The following SF3B1 variants were observed in gnomAD, a reference collection of about 807,000 sequenced individuals.
SF3B1 encodes the protein pre-mRNA processing 10.
In SF3B1, 12 loss-of-function variants were observed where a neutral mutation model predicts 153.8. The observed-to-expected ratio is 0.08, with a 90% confidence interval of 0.05 to 0.13. The LOEUF is 0.13. Among genes scored for constraint, SF3B1 ranks in the 10% least tolerant of loss-of-function variants. SF3B1 has a pLI of 1.00. For missense variants in SF3B1, 513 were observed against 1,606.1 expected (o/e 0.32, Z 11.63); for synonymous variants, 498 against 525.2 (o/e 0.95, Z 0.71).
chr2:197,429,862 T>G lies in SF3B1; in HGVS notation c.28+5110A>C, dbSNP rs141880567. Among the ~76,000 whole-genome samples, 848 of 152,272 alleles carry G rather than the reference T, an allele frequency of 5.6e-3. 8 individuals carry two copies. Among genetic ancestry groups the G allele is most frequent in the African/African-American group, 0.02 (812 of 41,528 alleles). The stretch of plus-strand genomic sequence containing the variant: ...TATGATTTCAGAACTATGCTCATAC[T>G]TAGAGCCAATAATTTTCTGGGTGCT... On this transcript the variant is annotated intron_variant, in intron 1 of 24. Transcript: ENST00000335508.
chr2:197,418,416 A>C, intron 5 of SF3B1, 93 bp downstream of exon 5: 3 of 880,646 alleles, frequency 3.4e-6, no homozygotes, highest in Non-Finnish European at 5.3e-6. Context: ...TTATTTGTGC[A>C]GCAAATAGCA....
chr2:197,400,013 T>C lies in SF3B1; in HGVS notation c.3013+42A>G, dbSNP rs2084922180. Reference sequence around the variant, plus strand: ...TACGAAAAAAAAAAGAAAAAGAAAGTTAAAACAAGAAAAAGTCTTATGTAA... The same window carrying C: ...TACGAAAAAAAAAAGAAAAAGAAAGCTAAAACAAGAAAAAGTCTTATGTAA... On this transcript the variant is annotated intron_variant, in intron 20 of 24. Transcript: ENST00000335508. The surrounding 1 kb of genome is among the most constrained non-coding windows in gnomAD (Gnocchi z 5.0). The C allele has an allele frequency of 1.5e-6, 2 of 1,327,478 alleles. No individual in the cohort carries two copies. Among genetic ancestry groups the C allele is most frequent in the Admixed American group, 4.3e-5 (2 of 46,396 alleles). 82.2% of individuals were successfully genotyped at this position (1,327,478 alleles called of 1,614,324 possible). A position where few individuals can be genotyped will look rare whatever the true frequency, so the allele number is the denominator to read the frequency against.
At chr2:197,432,934 T>C (rs2085464377) in intron 1 of SF3B1, among the ~76,000 whole-genome samples, 1 of 152,194 alleles carries the variant, frequency 6.6e-6, no homozygotes, top group Non-Finnish European at 1.5e-5. Context: ...TAAATAGTTA[T>C]CAGTTTATCT....
chr2:197,405,701 G>A (rs1408844887), intron 9 of SF3B1, among the ~76,000 whole-genome samples: 1 of 151,876 alleles, frequency 6.6e-6, no homozygotes, highest in Non-Finnish European at 1.5e-5. Flanking sequence ...CAAGAGAAGA[G>A]CTTAGAAAAT....
chr2:197,418,854 C>A, intron 4 of SF3B1: 1 of 1,555,484 alleles, frequency 6.4e-7, no homozygotes, highest in East Asian at 2.3e-5. Flanking sequence ...TTAGAGTCTT[C>A]AGAAGTGATG....
chr2:197,390,531 T>C lies in SF3B1; in HGVS notation c.*1772A>G, dbSNP rs1294391514. 3 of 152,196 alleles carry C rather than the reference T, an allele frequency of 2.0e-5. No individual in the cohort carries two copies. Among genetic ancestry groups the C allele is most frequent in the Non-Finnish European group, 2.9e-5 (2 of 68,042 alleles). The allele number at this position is 152,196 out of a possible 1,614,324, so 9.4% of individuals were successfully genotyped here. A position where few individuals can be genotyped will look rare whatever the true frequency, so the allele number is the denominator to read the frequency against. On this transcript the variant is annotated 3_prime_UTR_variant, in exon 25 of 25. Transcript: ENST00000335508. The stretch of plus-strand genomic sequence containing the variant: ...TACATAGTGACATATATTCAGAAAG[T>C]TGTCATACAAGGAATGATGAGGAGT...
rs2084943715 is a variant in SF3B1, at chr2:197,402,303, C to G, written c.2078-173G>C. The G allele has an allele frequency of 2.6e-6, 2 of 758,398 alleles. No individual in the cohort carries two copies. The highest frequency in any genetic ancestry group is 5.4e-5 in the East Asian group (2 of 37,080). The allele number at this position is 758,398 out of a possible 1,614,324, so 47.0% of individuals were successfully genotyped here. A position where few individuals can be genotyped will look rare whatever the true frequency, so the allele number is the denominator to read the frequency against. On this transcript the variant is annotated intron_variant, in intron 14 of 24. Coordinates refer to ENST00000335508, the MANE Select transcript of SF3B1 (RefSeq NM_012433.4). This position sits in a 1 kb window ranked among gnomAD's most constrained non-coding sequence, Gnocchi z 4.6. ...CATAGCCTGTCAGCAGATAATATAA[C>G]AAACCCATCATAAAATCTATAGTTT... is the stretch of plus-strand genomic sequence containing the variant.
Position 197,409,829 on chromosome 2 carries a change from CCATGGCCTGGTGTCG to C in SF3B1, c.830_844del (p.Ala277_His281del), listed in dbSNP as rs1216741846. ...TTTACGAGCACTGGAAGTTGCGCCT[CCATGGCCTGGTGTCG>C]CATGGCCTGGTGTATCACCTCGTCC... is the stretch of plus-strand genomic sequence containing the variant. On this transcript the variant is annotated inframe_deletion, in exon 7 of 25. Transcript: ENST00000335508. The C allele has an allele frequency of 3.7e-6, 6 of 1,614,086 alleles. No homozygotes were observed. Among genetic ancestry groups the C allele is most frequent in the Non-Finnish European group, 5.1e-6 (6 of 1,179,976 alleles).
intron 1 of SF3B1, 140 bp downstream of exon 1, chr2:197,434,832 G>A: frequency 1.2e-6 from 1 of 839,674 alleles, no homozygotes; most frequent in East Asian, 2.6e-5. Flanking sequence ...CGCCGCTGGC[G>A]CGGAGGAGAC....
chr2:197,426,938 C>T (rs2085345689), intron 1 of SF3B1, among the ~76,000 whole-genome samples: 1 of 152,168 alleles, frequency 6.6e-6, no homozygotes, highest in African/African-American at 2.4e-5. Context: ...CTTTTTCCCC[C>T]TTATCAGGCA....
At chr2:197,408,297 A>G in intron 8 of SF3B1, 72 bp downstream of exon 8, 3 of 1,459,214 alleles carry the variant, frequency 2.1e-6, no homozygotes, top group Non-Finnish European at 2.8e-6. Flanking sequence ...AATAGTACAC[A>G]GAATACCACA....
chr2:197,424,510 A>C (rs1474306721), intron 1 of SF3B1, among the ~76,000 whole-genome samples: 2 of 147,964 alleles, frequency 1.4e-5, no homozygotes, highest in South Asian at 2.1e-4. Context: ...AAAAAAAAAA[A>C]CCGTGACAAA....
intron 7 of SF3B1, among the ~76,000 whole-genome samples, chr2:197,409,355 G>A (rs1447453071): frequency 3.3e-5 from 5 of 151,828 alleles, no homozygotes; most frequent in Non-Finnish European, 7.4e-5. Context: ...AGCTGAGATC[G>A]CGCCATTGCA....
chr2:197,396,377 T>C, intron 22 of SF3B1, 49 bp from the exon 23 acceptor site: 1 of 1,490,456 alleles, frequency 6.7e-7, no homozygotes, highest in Middle Eastern at 1.8e-4. Context: ...AAGTCAAAAA[T>C]TTATGGAAGA....
intron 1 of SF3B1, among the ~76,000 whole-genome samples, chr2:197,434,678 C>T (rs2085494401): frequency 6.6e-6 from 1 of 152,200 alleles, no homozygotes; most frequent in South Asian, 2.1e-4. Context: ...ATCCCTTGCC[C>T]ACGAATCCTA....
chr2:197,398,369 A>T, intron 21 of SF3B1, 92 bp downstream of exon 21: 2 of 1,295,652 alleles, frequency 1.5e-6, no homozygotes, highest in Non-Finnish European at 1.1e-6. Flanking sequence ...CACTTATATT[A>T]GTGACATTAA....
chr2:197,404,701 A>C (rs2084971367), intron 11 of SF3B1: 1 of 156,264 alleles, frequency 6.4e-6, no homozygotes, highest in Non-Finnish European at 1.4e-5. Flanking sequence ...TAAATTCCTA[A>C]ACACAAAAAT....
At position 197,400,062 on chromosome 2, in the gene SF3B1, A is replaced by G; in HGVS notation, c.3006T>C (p.Asn1002=). 6.9e-6 allele frequency: 11 copies of G among 1,602,740 alleles called. No homozygotes were observed. The highest frequency in any genetic ancestry group is 9.4e-6 in the Non-Finnish European group (11 of 1,170,008). Residue 1002 remains asparagine (N), a synonymous_variant, in exon 20 of 25, where the codon AAT becomes AAC. Coordinates refer to ENST00000335508, the MANE Select transcript of SF3B1 (RefSeq NM_012433.4). The surrounding 1 kb of genome is among the most constrained non-coding windows in gnomAD (Gnocchi z 5.0). ...AACCAGCAAATTCCATACCTATGAC[A>G]TTTACAATGGCCTTCAGTGCTCCAA... is the stretch of plus-strand genomic sequence containing the variant. ...SILGALKAIV[N]VIGMHKMTPP...
At chr2:197,406,637 C>A (rs970986358) in intron 9 of SF3B1, among the ~76,000 whole-genome samples, 1 of 152,164 alleles carries the variant, frequency 6.6e-6, no homozygotes, top group Non-Finnish European at 1.5e-5. Flanking sequence ...TCAATGACTA[C>A]GACTGAGAAA....
Sources: allele counts gnomAD v4.1 joint callset (sites outside exome capture counted in the v4.1 genomes callset), GRCh38; gene constraint gnomAD v4.1.1; non-coding constraint Gnocchi (gnomAD v3.1); transcripts MANE v1.5; gene names NCBI Gene and HGNC (gene_info 2026-07-23, HGNC 2026-07-21).